FHIT: variants seen among roughly 807,000 people sequenced by gnomAD.
FHIT encodes the protein bis(5'-adenosyl)-triphosphatase.
Under a neutral mutation model 17.9 loss-of-function variants are expected in FHIT, and 19 were observed. The observed-to-expected ratio is 1.06, with a 90% CI of 0.74 to 1.56. FHIT has a LOEUF of 1.56. Ranked by LOEUF, FHIT falls within the 40% of genes most tolerant of loss-of-function variation. FHIT has a pLI of 0.00. For missense variants in FHIT, 248 were observed against 189.2 expected, an observed-to-expected ratio of 1.31 and a Z score of -1.82; for synonymous variants, 81 against 69.7, an observed-to-expected ratio of 1.16 and a Z score of -0.81.
chr3:60,537,066 A>G (rs902688241), intron 4 of FHIT, 87 bp from the exon 5 acceptor site: 7 of 1,072,378 alleles, frequency 6.5e-6, no homozygotes, highest in Non-Finnish European at 8.9e-6. Context: ...TTCCATTACT[A>G]CAGATTCTTA....
chr3:60,465,894 T>A (rs2032762118), intron 5 of FHIT, among the ~76,000 whole-genome samples: 1 of 152,150 alleles, frequency 6.6e-6, no homozygotes, highest in Non-Finnish European at 1.5e-5. Flanking sequence ...ATGTAAATGC[T>A]AAGATTATTT....
chr3:59,750,193 A>AATAAGTTTGAATCTTCT (rs1454312551), intron 9 of FHIT: 1 of 225,748 alleles, frequency 4.4e-6, no homozygotes, highest in Non-Finnish European at 8.8e-6. Context: ...AAATTTGGGT[A>AATAAGTTTGAATCTTCT]ATAAGTTTGA....
intron 4 of FHIT, among the ~76,000 whole-genome samples, chr3:60,802,783 T>C (rs1553732713): frequency 1.3e-5 from 2 of 151,844 alleles, no homozygotes; most frequent in African/African-American, 4.8e-5. Context: ...AAAAAAAAAT[T>C]CCAGGAAACT....
intron 7 of FHIT, among the ~76,000 whole-genome samples, chr3:59,930,412 T>A (rs1255688445): frequency 6.6e-6 from 1 of 152,184 alleles, no homozygotes; most frequent in African/African-American, 2.4e-5. Flanking sequence ...GTTCAAGTAT[T>A]TAGTCTCCTT....
chr3:60,955,618 A>ACATATATATATATACG (rs1559862381), intron 3 of FHIT, among the ~76,000 whole-genome samples: 507 of 14,494 alleles, frequency 0.035, 22 homozygotes, highest in Admixed American at 0.099. Context: ...ATATATATAT[A>ACATATATATATATACG]TATATATATA....
At chr3:59,828,717 A>C (rs1017617189) in intron 8 of FHIT, among the ~76,000 whole-genome samples, 1 of 152,236 alleles carries the variant, frequency 6.6e-6, no homozygotes, top group African/African-American at 2.4e-5. Context: ...TGGTTAAGGC[A>C]GACTTAACGG....
intron 8 of FHIT, among the ~76,000 whole-genome samples, chr3:59,874,027 C>G (rs1703040530): frequency 6.6e-6 from 1 of 152,088 alleles, no homozygotes; most frequent in African/African-American, 2.4e-5. Context: ...CTTCTTCTTT[C>G]AGCACATGCA....
At chr3:60,457,034 C>G (rs568366056) in intron 5 of FHIT, among the ~76,000 whole-genome samples, 5 of 152,076 alleles carry the variant, frequency 3.3e-5, no homozygotes, top group Non-Finnish European at 7.3e-5. Context: ...CAATGCCATC[C>G]CCATCAAGAT....
At chr3:59,922,576 G>A (rs955478732) in intron 7 of FHIT, among the ~76,000 whole-genome samples, 162 bp from the exon 8 acceptor site, 7 of 152,198 alleles carry the variant, frequency 4.6e-5, no homozygotes, top group Non-Finnish European at 1.0e-4. Context: ...CCTGAAATCT[G>A]CCGAGAAGAG....
chr3:60,224,045 T>C (rs531167663), intron 5 of FHIT, among the ~76,000 whole-genome samples: 1 of 152,300 alleles, frequency 6.6e-6, no homozygotes, highest in East Asian at 1.9e-4. Flanking sequence ...GTGAACTATA[T>C]ATAACTTAAA....
intron 8 of FHIT, among the ~76,000 whole-genome samples, chr3:59,761,497 T>C: frequency 6.6e-6 from 1 of 152,280 alleles, no homozygotes; most frequent in East Asian, 1.9e-4. Context: ...CAGGTACAGG[T>C]ACAGGTTAAG....
rs572923595 is a variant in FHIT at position 59,767,877 on chromosome 3, A to G, written c.349-15556T>C. 3.9e-5 allele frequency among the ~76,000 whole-genome samples: 6 copies of G among 152,310 alleles called. No homozygotes were observed. In the South Asian group the frequency reaches 1.2e-3, roughly 32 times the overall value. On this transcript the variant is annotated intron_variant, in intron 8 of 9. Coordinates refer to ENST00000492590, the MANE Select transcript of FHIT (RefSeq NM_002012.4). The stretch of plus-strand genomic sequence containing the variant: ...GTCTATTCCCCCTCCTCATATAACA[A>G]TACATAGCATTTGCTAAGCAATACA...
intron 3 of FHIT, among the ~76,000 whole-genome samples, chr3:60,890,438 A>G (rs1705457633): frequency 6.6e-6 from 1 of 152,162 alleles, no homozygotes; most frequent in Non-Finnish European, 1.5e-5. Flanking sequence ...GCCACGCCCC[A>G]ATTCCTGACC....
At chr3:60,476,382 G>C (rs909800205) in intron 5 of FHIT, among the ~76,000 whole-genome samples, 2 of 152,118 alleles carry the variant, frequency 1.3e-5, no homozygotes, top group Admixed American at 6.5e-5. Context: ...CAAACGTCCA[G>C]TTAAAACCAA....
At chr3:61,024,537 A>G (rs1179420624) in intron 3 of FHIT, among the ~76,000 whole-genome samples, 1 of 152,136 alleles carries the variant, frequency 6.6e-6, no homozygotes, top group Non-Finnish European at 1.5e-5. Context: ...AAAATTCTAT[A>G]TAATTATAGG....
At chr3:60,983,135 T>TTGTG (rs60471009) in intron 3 of FHIT, among the ~76,000 whole-genome samples, 1,783 of 148,930 alleles carry the variant, frequency 0.012, 29 homozygotes, top group African/African-American at 0.039. Flanking sequence ...ACCTTCTCTC[T>TTGTG]TGTGTGTGTG....
intron 8 of FHIT, among the ~76,000 whole-genome samples, chr3:59,847,656 A>T (rs1182464906): frequency 6.6e-6 from 1 of 151,978 alleles, no homozygotes; most frequent in Non-Finnish European, 1.5e-5. Flanking sequence ...ATGCCTTGTA[A>T]TTTTATTTTT....
chr3:59,748,952 C>T lies in FHIT; in HGVS notation c.*633G>A, dbSNP rs1355036408. Among the ~76,000 whole-genome samples the T allele has an allele frequency of 1.3e-5, 2 of 152,116 alleles. No individual in the cohort carries two copies. The highest frequency in any genetic ancestry group is 2.4e-5 in the African/African-American group (1 of 41,432). On this transcript the variant is annotated 3_prime_UTR_variant, in exon 10 of 10. Coordinates refer to ENST00000492590, the MANE Select transcript of FHIT (RefSeq NM_002012.4). The stretch of plus-strand genomic sequence containing the variant: ...GCCTCTGTGCATGTTGAGAATTGTG[C>T]AGTTTTGCAGAGTGAGCACCATGAA...
intron 1 of FHIT, among the ~76,000 whole-genome samples, chr3:61,248,842 G>A (rs1348071892): frequency 2.0e-5 from 3 of 152,144 alleles, no homozygotes; most frequent in South Asian, 2.1e-4. Flanking sequence ...TTGCAGAAAC[G>A]GGATACTTTT....
Sources: allele counts gnomAD v4.1 joint callset (sites outside exome capture counted in the v4.1 genomes callset), GRCh38; gene constraint gnomAD v4.1.1; transcripts MANE v1.5; gene names NCBI Gene and HGNC (gene_info 2026-07-23, HGNC 2026-07-21).